The following ANTXR1 variants were observed in gnomAD, a reference collection of about 807,000 sequenced individuals.
ANTXR1 encodes the protein anthrax toxin receptor 1.
A neutral mutation model predicts 78.1 loss-of-function variants in ANTXR1; 19 were observed. The ratio of observed to expected loss-of-function variants is 0.24; its 90% CI spans 0.17 to 0.36. The LOEUF (loss-of-function observed/expected upper bound fraction) is 0.36. ANTXR1 is among the 10% of genes least tolerant of loss of function. The pLI is 1.00. For missense variants in ANTXR1, 518 were observed against 718.6 expected (o/e 0.72, Z 3.19); for synonymous variants, 273 against 260.5 (o/e 1.05, Z -0.46).
At chr2:69,025,125 C>T (rs1671303980) in intron 1 of ANTXR1, among the ~76,000 whole-genome samples, 1 of 152,158 alleles carries the variant, frequency 6.6e-6, no homozygotes, top group Admixed American at 6.5e-5. Flanking sequence ...CTCTAATGCC[C>T]TTCACCACCA....
At chr2:69,241,960 G>C (rs976871527) in intron 17 of ANTXR1, among the ~76,000 whole-genome samples, 2 of 152,196 alleles carry the variant, frequency 1.3e-5, no homozygotes, top group African/African-American at 4.8e-5. Context: ...GTGTCCCACA[G>C]TGGGGGCCAC....
At chr2:69,208,286 C>T (rs1389330944) in intron 17 of ANTXR1, among the ~76,000 whole-genome samples, 1 of 152,138 alleles carries the variant, frequency 6.6e-6, no homozygotes, top group Admixed American at 6.5e-5. Context: ...TCCCTTCTTA[C>T]CCCCACAAGT....
At chr2:69,214,154 TC>T (rs921030844) in intron 17 of ANTXR1, among the ~76,000 whole-genome samples, 1 of 152,260 alleles carries the variant, frequency 6.6e-6, no homozygotes, top group African/African-American at 2.4e-5. Flanking sequence ...GGAGAGCATT[TC>T]TGGGTCCTGT....
intron 13 of ANTXR1, among the ~76,000 whole-genome samples, chr2:69,155,629 C>T (rs149257396): frequency 8.9e-4 from 136 of 152,138 alleles, no homozygotes; most frequent in African/African-American, 3.2e-3. Flanking sequence ...ATGTATTAGA[C>T]GAGTAAATGT....
intron 17 of ANTXR1, among the ~76,000 whole-genome samples, chr2:69,241,725 A>C (rs1172906327): frequency 6.6e-6 from 1 of 152,126 alleles, no homozygotes; most frequent in Non-Finnish European, 1.5e-5. Context: ...GAAGACACTA[A>C]ACTAGGAGTT....
rs561454357 is a variant in ANTXR1 at position 69,096,864 on chromosome 2, A to G, written c.703+5945A>G. Among the ~76,000 whole-genome samples the G allele has an allele frequency of 9.2e-5, 14 of 152,194 alleles. 2 individuals carry two copies. In the South Asian group the frequency reaches 2.9e-3, roughly 32 times the overall value. On this transcript the variant is annotated intron_variant, in intron 9 of 17. Transcript: ENST00000303714. Reference sequence around the variant, plus strand: ...TTCACCATACTCCTCACCACTCTCCATTGTCACCCCAGTACCCAGGCCAAG... The same window carrying G: ...TTCACCATACTCCTCACCACTCTCCGTTGTCACCCCAGTACCCAGGCCAAG...
Position 69,093,665 on chromosome 2 carries a change from CA to C in ANTXR1, c.703+2749del, listed in dbSNP as rs1318653008. ...TACACAATCCACTAATAAATTTAAA[CA>C]AATTAAAGCAATTCAACAGATAAAT... On this transcript the variant is annotated intron_variant, in intron 9 of 17. Coordinates refer to ENST00000303714, the MANE Select transcript of ANTXR1 (RefSeq NM_032208.3). Among the ~76,000 whole-genome samples the C allele has an allele frequency of 2.6e-5, 4 of 152,156 alleles. No homozygotes were observed. In the East Asian group the frequency reaches 7.7e-4, roughly 29 times the overall value.
chr2:69,213,911 G>A (rs996019432), intron 17 of ANTXR1, among the ~76,000 whole-genome samples: 4 of 152,264 alleles, frequency 2.6e-5, no homozygotes, highest in African/African-American at 7.2e-5. Context: ...GCCTTGGGAC[G>A]TATGTGGGGG....
chr2:69,109,214 A>G (rs942842759), intron 10 of ANTXR1, among the ~76,000 whole-genome samples: 13 of 152,196 alleles, frequency 8.5e-5, no homozygotes, highest in African/African-American at 2.7e-4. Flanking sequence ...CACAGTTAAG[A>G]GTCAGTCAGT....
intron 10 of ANTXR1, among the ~76,000 whole-genome samples, chr2:69,108,444 T>A (rs1200312652): frequency 6.6e-6 from 1 of 152,180 alleles, no homozygotes. Context: ...AAGAAAAATA[T>A]AGCAACAACA....
At chr2:69,172,677 T>C in intron 14 of ANTXR1, 2 of 513,642 alleles carry the variant, frequency 3.9e-6, no homozygotes, top group Non-Finnish European at 5.4e-6. Context: ...ACTTAGAGAA[T>C]GAAGATAACT....
chr2:69,154,138 C>A (rs913649406), intron 13 of ANTXR1, among the ~76,000 whole-genome samples: 2 of 152,154 alleles, frequency 1.3e-5, no homozygotes, highest in Non-Finnish European at 2.9e-5. Flanking sequence ...TTATTGGAAG[C>A]AATGTCACCC....
At chr2:69,180,690 T>C (rs946593992) in intron 14 of ANTXR1, among the ~76,000 whole-genome samples, 2 of 152,216 alleles carry the variant, frequency 1.3e-5, no homozygotes, top group African/African-American at 4.8e-5. Context: ...TTCTAAAGAC[T>C]GGGAATACAA....
intron 6 of ANTXR1, among the ~76,000 whole-genome samples, chr2:69,074,081 T>C (rs1420748735): frequency 6.6e-6 from 1 of 152,066 alleles, no homozygotes; most frequent in Non-Finnish European, 1.5e-5. Context: ...GGCACAGAGG[T>C]GAGTGAGATA....
chr2:69,231,179 T>TA (rs1408407779), intron 17 of ANTXR1, among the ~76,000 whole-genome samples: 1 of 152,242 alleles, frequency 6.6e-6, no homozygotes, highest in Non-Finnish European at 1.5e-5. Context: ...GGTGTATATG[T>TA]ACCACATTTT....
intron 3 of ANTXR1, among the ~76,000 whole-genome samples, chr2:69,056,221 A>G (rs1363725463): frequency 6.6e-6 from 1 of 152,100 alleles, no homozygotes; most frequent in African/African-American, 2.4e-5. Context: ...GCCAAAACCA[A>G]CATATTTTTT....
chr2:69,073,324 T>G (rs1670629305), intron 6 of ANTXR1, among the ~76,000 whole-genome samples: 1 of 152,236 alleles, frequency 6.6e-6, no homozygotes, highest in Non-Finnish European at 1.5e-5. Context: ...TTTTTACATA[T>G]TACTCTGCTT....
At chr2:69,027,786 A>G (rs1429728509) in intron 1 of ANTXR1, among the ~76,000 whole-genome samples, 1 of 151,530 alleles carries the variant, frequency 6.6e-6, no homozygotes, top group African/African-American at 2.4e-5. Context: ...TGGAAGAATA[A>G]TATATTCATG....
chr2:69,239,249 C>A (rs537917499), intron 17 of ANTXR1, among the ~76,000 whole-genome samples: 8 of 152,038 alleles, frequency 5.3e-5, no homozygotes, highest in Non-Finnish European at 1.2e-4. Flanking sequence ...TTAAATTATC[C>A]AAGGAAAAGG....
Sources: allele counts gnomAD v4.1 joint callset (sites outside exome capture counted in the v4.1 genomes callset), GRCh38; gene constraint gnomAD v4.1.1; transcripts MANE v1.5; gene names NCBI Gene and HGNC (gene_info 2026-07-23, HGNC 2026-07-21).